PID1: variants seen among roughly 807,000 people sequenced by gnomAD.
PID1 encodes phosphotyrosine interaction domain containing 1.
A neutral mutation model predicts 19.1 loss-of-function variants in PID1; 10 were observed. The observed-to-expected ratio is 0.52, with a 90% CI of 0.32 to 0.89. The LOEUF (loss-of-function observed/expected upper bound fraction) is 0.89. Ranked by LOEUF, PID1 falls within the 40% of genes least tolerant of loss-of-function variation. The pLI is 0.03. For missense variants in PID1, 248 were observed against 285.3 expected (o/e 0.87, Z 0.94); for synonymous variants, 130 against 116.0 (o/e 1.12, Z -0.78).
At chr2:229,047,956 G>A (rs1229629159) in intron 2 of PID1, among the ~76,000 whole-genome samples, 2 of 152,184 alleles carry the variant, frequency 1.3e-5, no homozygotes, top group African/African-American at 2.4e-5. Flanking sequence ...AAGCAGGAGA[G>A]TCTGCATAGT....
intron 1 of PID1, among the ~76,000 whole-genome samples, chr2:229,261,874 A>G (rs1218751997): frequency 1.3e-5 from 2 of 149,206 alleles, no homozygotes; most frequent in African/African-American, 2.5e-5. Flanking sequence ...GCCCAAGAAA[A>G]TAAGTATTAT....
At chr2:229,070,925 G>A (rs12471584) in intron 2 of PID1, among the ~76,000 whole-genome samples, 8,920 of 152,096 alleles carry the variant, frequency 0.059, 484 homozygotes, top group Admixed American at 0.18. Context: ...CTTCATTACC[G>A]GTATCTACAA....
At position 229,260,422 on chromosome 2, in the gene PID1, T is replaced by A. The variant is rs1690426935; in HGVS notation, c.30+10592A>T. Among the ~76,000 whole-genome samples, 3 of 151,524 alleles carry A rather than the reference T, an allele frequency of 2.0e-5. No homozygotes were observed. In the South Asian group the frequency reaches 6.2e-4, roughly 32 times the overall value. On this transcript the variant is annotated intron_variant, in intron 1 of 2. Transcript: ENST00000392055. ...GTCTACATATATTGACCAGAAAAGA[T>A]ACCCACAAAACACAGTAAAGTAGAA...
At chr2:229,104,048 A>C (rs560622391) in intron 2 of PID1, among the ~76,000 whole-genome samples, 1 of 152,222 alleles carries the variant, frequency 6.6e-6, no homozygotes, top group Admixed American at 6.5e-5. Flanking sequence ...TCAGTGTACA[A>C]GTAATTCTAC....
At chr2:229,198,264 T>A (rs1331361644) in intron 1 of PID1, among the ~76,000 whole-genome samples, 1 of 152,066 alleles carries the variant, frequency 6.6e-6, no homozygotes, top group East Asian at 1.9e-4. Flanking sequence ...GTATGTAACA[T>A]AAATACCTTT....
chr2:229,187,128 C>G lies in PID1; in HGVS notation c.31-31164G>C, dbSNP rs576026478. Among the ~76,000 whole-genome samples, 33 of 152,252 alleles carry G rather than the reference C, an allele frequency of 2.2e-4. No individual in the cohort carries two copies. In the South Asian group the frequency reaches 5.6e-3, roughly 26 times the overall value. ...TGGACCTTATTGTTCGTATCACTATCCGCATTTTTGTCAAAGCCATTCAGC... is the reference window on the plus strand; with the variant it reads ...TGGACCTTATTGTTCGTATCACTATGCGCATTTTTGTCAAAGCCATTCAGC... On this transcript the variant is annotated intron_variant, in intron 1 of 2. Transcript: ENST00000392055.
intron 2 of PID1, among the ~76,000 whole-genome samples, chr2:229,095,072 G>A (rs138092672): frequency 6.6e-6 from 1 of 152,220 alleles, no homozygotes; most frequent in African/African-American, 2.4e-5. Context: ...CGTAGCTCCT[G>A]AGTCACAGTC....
At chr2:229,079,197 C>T (rs758921) in intron 2 of PID1, among the ~76,000 whole-genome samples, 9 of 151,872 alleles carry the variant, frequency 5.9e-5, no homozygotes, top group Non-Finnish European at 1.2e-4. Flanking sequence ...CGGTCTAAGT[C>T]GGGGCTGAGA....
intron 1 of PID1, chr2:229,262,579 G>GTT: frequency 6.9e-7 from 1 of 1,451,028 alleles, no homozygotes; most frequent in Non-Finnish European, 9.1e-7. Context: ...ACCAAACATA[G>GTT]TCAAGAGGCT....
intron 2 of PID1, among the ~76,000 whole-genome samples, chr2:229,139,076 AAAG>A: frequency 1.7e-5 from 1 of 59,010 alleles, no homozygotes. Flanking sequence ...AGAAAGAAAG[AAAG>A]AAAGAAAGAA....
At chr2:229,135,342 T>C (rs1689838337) in intron 2 of PID1, among the ~76,000 whole-genome samples, 1 of 152,134 alleles carries the variant, frequency 6.6e-6, no homozygotes, top group Admixed American at 6.6e-5. Context: ...CATGTAAAAG[T>C]AAAGTGAGAA....
intron 1 of PID1, among the ~76,000 whole-genome samples, chr2:229,181,047 A>G (rs1223563227): frequency 6.6e-6 from 1 of 151,862 alleles, no homozygotes; most frequent in Non-Finnish European, 1.5e-5. Flanking sequence ...CTTTCTCTAC[A>G]CTTTGTCTCT....
intron 1 of PID1, among the ~76,000 whole-genome samples, chr2:229,254,093 T>C (rs1401452701): frequency 6.6e-6 from 1 of 152,092 alleles, no homozygotes; most frequent in Non-Finnish European, 1.5e-5. Flanking sequence ...AGAAAGTGTC[T>C]AATCAATCTA....
chr2:229,094,305 G>T (rs1207093581), intron 2 of PID1, among the ~76,000 whole-genome samples: 1 of 151,988 alleles, frequency 6.6e-6, no homozygotes, highest in Non-Finnish European at 1.5e-5. Flanking sequence ...CAAACAAATA[G>T]AAAGCCATCC....
chr2:229,261,568 T>TATAA (rs1690461456), intron 1 of PID1, among the ~76,000 whole-genome samples: 1 of 152,204 alleles, frequency 6.6e-6, no homozygotes, highest in African/African-American at 2.4e-5. Context: ...GACCCACAAC[T>TATAA]ATAAAGCAAC....
intron 2 of PID1, among the ~76,000 whole-genome samples, chr2:229,095,063 G>A (rs1263796179): frequency 2.6e-5 from 4 of 152,046 alleles, no homozygotes; most frequent in African/African-American, 7.2e-5. Flanking sequence ...CCAAAGACAC[G>A]TAGCTCCTGA....
intron 1 of PID1, chr2:229,262,788 G>A: frequency 6.4e-7 from 1 of 1,551,542 alleles, no homozygotes; most frequent in Non-Finnish European, 8.7e-7. Flanking sequence ...TCAGGTGGTT[G>A]CCAGCAATCC....
At chr2:229,171,467 A>T (rs897453113) in intron 1 of PID1, among the ~76,000 whole-genome samples, 1 of 152,194 alleles carries the variant, frequency 6.6e-6, no homozygotes. Flanking sequence ...ACATCTAGGG[A>T]GACAGCAATT....
rs535052011 is a variant in PID1, at chr2:229,024,908, G to A, written c.*724C>T. On this transcript the variant is annotated 3_prime_UTR_variant, in exon 3 of 3. Coordinates refer to ENST00000392055, the MANE Select transcript of PID1 (RefSeq NM_001100818.2). ...GCTGAGATTTCATCCCTCTAAGGAT[G>A]TTAGAAGGGGAAAGAGGGTGGACAG... 51 of 152,798 alleles carry A rather than the reference G, an allele frequency of 3.3e-4. No individual in the cohort carries two copies. The highest frequency in any genetic ancestry group is 1.2e-3 in the African/African-American group (51 of 41,578). The allele number at this position is 152,798 out of a possible 1,614,324, so 9.5% of individuals were successfully genotyped here. A position where few individuals can be genotyped will look rare whatever the true frequency, so the allele number is the denominator to read the frequency against.
Sources: gnomAD v4.1 joint callset for allele counts (sites outside exome capture counted in the v4.1 genomes callset) on GRCh38, gnomAD v4.1.1 for gene constraint, MANE v1.5 for transcripts, NCBI Gene and HGNC (gene_info 2026-07-23, HGNC 2026-07-21) for gene names.